TANC2: variants seen among roughly 807,000 people sequenced by gnomAD.
TANC2 encodes the protein tetratricopeptide repeat, ankyrin repeat and coiled-coil containing 2.
A neutral mutation model predicts 210.5 loss-of-function variants in TANC2; 26 were observed. The ratio of observed to expected loss-of-function variants is 0.12; its 90% CI spans 0.09 to 0.17. The LOEUF is 0.17. Among genes scored for constraint, TANC2 ranks in the 10% least tolerant of loss-of-function variants. The pLI is 1.00. For synonymous variants in TANC2, 931 were observed against 967.1 expected (o/e 0.96, Z 0.69); for missense variants, 2,129 against 2,608.9 (o/e 0.82, Z 4.01).
intron 1 of TANC2, among the ~76,000 whole-genome samples, chr17:62,977,617 A>ACCCC (rs2032080863): frequency 6.6e-6 from 1 of 151,630 alleles, no homozygotes; most frequent in African/African-American, 2.4e-5. Flanking sequence ...TTTCTCCCCT[A>ACCCC]TCCCCTAACA....
chr17:62,975,709 G>A (rs770466578), intron 1 of TANC2, among the ~76,000 whole-genome samples: 1 of 151,928 alleles, frequency 6.6e-6, no homozygotes, highest in Admixed American at 6.6e-5. Context: ...GACTTTATGA[G>A]TTTTGAATCA....
intron 3 of TANC2, among the ~76,000 whole-genome samples, chr17:63,081,456 ATATGCAAGGATGCG>A (rs1352928115): frequency 6.6e-6 from 1 of 152,236 alleles, no homozygotes; most frequent in Non-Finnish European, 1.5e-5. Context: ...TCATACTGGC[ATATGCAAGGATGCG>A]TATGCATATA....
At chr17:63,383,720 T>C (rs1291238297) in intron 15 of TANC2, among the ~76,000 whole-genome samples, 2 of 152,200 alleles carry the variant, frequency 1.3e-5, no homozygotes, top group African/African-American at 4.8e-5. Context: ...TTTGAGTAAA[T>C]GCCTTAGTAG....
intron 1 of TANC2, among the ~76,000 whole-genome samples, chr17:62,970,516 C>T (rs2031632154): frequency 8.4e-6 from 1 of 118,866 alleles, no homozygotes; most frequent in Non-Finnish European, 1.7e-5. Flanking sequence ...ACTGCCTTTG[C>T]TCTTTATTTC....
At chr17:62,967,826 G>A (rs2031442546) in intron 1 of TANC2, 1 of 143,046 alleles carries the variant, frequency 7.0e-6, no homozygotes, top group African/African-American at 2.6e-5. Flanking sequence ...TGTTGGGATG[G>A]TGAAATAAAA....
chr17:63,142,107 T>G lies in TANC2; in HGVS notation c.323-9163T>G, dbSNP rs577542577. Among the ~76,000 whole-genome samples the G allele has an allele frequency of 2.6e-5, 4 of 152,340 alleles. No homozygotes were observed. In the South Asian group the frequency reaches 8.3e-4, roughly 32 times the overall value. ...GCCACATATATCTGAAGTAACTTGATTTTCTAAGTCACTTGCTCCTGTCCC... is the reference window on the plus strand; with the variant it reads ...GCCACATATATCTGAAGTAACTTGAGTTTCTAAGTCACTTGCTCCTGTCCC... On this transcript the variant is annotated intron_variant, in intron 4 of 27. Transcript: ENST00000689528.
intron 6 of TANC2, among the ~76,000 whole-genome samples, chr17:63,196,221 T>A (rs774204950): frequency 2.0e-4 from 30 of 152,378 alleles, no homozygotes; most frequent in Non-Finnish European, 3.8e-4. Context: ...GATGATTTTT[T>A]AAATCAATTT....
At chr17:63,075,144 T>C (rs2036526400) in intron 3 of TANC2, among the ~76,000 whole-genome samples, 3 of 152,178 alleles carry the variant, frequency 2.0e-5, no homozygotes, top group Admixed American at 2.0e-4. Context: ...TTCACTCTTA[T>C]TTTCCCTGTA....
intron 9 of TANC2, among the ~76,000 whole-genome samples, chr17:63,312,878 T>C (rs910974453): frequency 6.6e-6 from 1 of 152,216 alleles, no homozygotes; most frequent in African/African-American, 2.4e-5. Context: ...TTTGTTTCTG[T>C]TGTCAGAATT....
chr17:63,203,059 A>C (rs1467654225), intron 7 of TANC2, among the ~76,000 whole-genome samples: 2 of 152,110 alleles, frequency 1.3e-5, no homozygotes, highest in African/African-American at 4.8e-5. Flanking sequence ...TATACCTAGG[A>C]CTGGAATTAC....
intron 4 of TANC2, among the ~76,000 whole-genome samples, chr17:63,123,430 G>C (rs894014401): frequency 1.2e-4 from 18 of 151,634 alleles, no homozygotes; most frequent in Non-Finnish European, 1.6e-4. Context: ...GTGATGGCTG[G>C]CGCCTGTGGT....
intron 18 of TANC2, chr17:63,396,931 C>G (rs1035522716): frequency 6.6e-6 from 1 of 151,858 alleles, no homozygotes; most frequent in African/African-American, 2.4e-5. Flanking sequence ...TGAAACAAAC[C>G]TGTACATTCA....
chr17:63,075,565 G>A (rs921729171), intron 3 of TANC2, among the ~76,000 whole-genome samples: 6 of 152,052 alleles, frequency 3.9e-5, no homozygotes, highest in East Asian at 1.9e-4. Flanking sequence ...TTGCTTTGTC[G>A]CCTAGGCTGG....
intron 14 of TANC2, among the ~76,000 whole-genome samples, chr17:63,364,806 A>C (rs796750104): frequency 5.3e-4 from 80 of 152,270 alleles, no homozygotes; most frequent in African/African-American, 1.9e-3. Flanking sequence ...AAAAAATTAC[A>C]GAACAGCCAA....
chr17:63,085,715 C>T (rs2036938248), intron 3 of TANC2, among the ~76,000 whole-genome samples: 1 of 151,866 alleles, frequency 6.6e-6, no homozygotes, highest in African/African-American at 2.4e-5. Context: ...GTATATTATA[C>T]ATATACACAT....
At chr17:62,996,098 A>G (rs1391916673) in intron 1 of TANC2, among the ~76,000 whole-genome samples, 1 of 152,182 alleles carries the variant, frequency 6.6e-6, no homozygotes, top group African/African-American at 2.4e-5. Context: ...TCTTTCTTGT[A>G]TTGGCTTGAT....
intron 4 of TANC2, among the ~76,000 whole-genome samples, chr17:63,123,681 A>ATT (rs2038580906): frequency 7.1e-6 from 1 of 140,606 alleles, no homozygotes; most frequent in African/African-American, 2.7e-5. Flanking sequence ...AGTAGGTAAA[A>ATT]TCTTTTTTTT....
At chr17:63,285,337 G>A (rs1241459922) in intron 9 of TANC2, among the ~76,000 whole-genome samples, 1 of 151,764 alleles carries the variant, frequency 6.6e-6, no homozygotes, top group South Asian at 2.1e-4. Flanking sequence ...TTGATTATTT[G>A]TATATTTTTA....
At chr17:63,099,353 A>C in exon 4 of TANC2, 5 of 1,523,548 alleles carry the variant, frequency 3.3e-6, no homozygotes, top group Non-Finnish European at 3.5e-6. Context: ...TGAAGAAGTT[A>C]ACTGGTAAGG....
Sources: gnomAD v4.1 joint callset for allele counts (sites outside exome capture counted in the v4.1 genomes callset) on GRCh38, gnomAD v4.1.1 for gene constraint, MANE v1.5 for transcripts, NCBI Gene and HGNC (gene_info 2026-07-23, HGNC 2026-07-21) for gene names.